SHANK2: variants seen among roughly 807,000 people sequenced by gnomAD.
SHANK2 encodes the protein SH3 and multiple ankyrin repeat domains 2.
SHANK2 carries 43 observed loss-of-function variants against 133.7 expected under a neutral mutation model. That is an observed-to-expected ratio of 0.32 (90% confidence interval 0.25 to 0.41). The LOEUF (loss-of-function observed/expected upper bound fraction) is 0.41. Ranked by LOEUF, SHANK2 falls within the 10% of genes least tolerant of loss-of-function variation. SHANK2 has a pLI of 1.00. For missense variants in SHANK2, 1,994 were observed against 2,235.8 expected (o/e 0.89, Z 2.18); for synonymous variants, 1,017 against 952.8 (o/e 1.07, Z -1.24).
At chr11:70,545,043 G>C (rs1306776668) in intron 17 of SHANK2, among the ~76,000 whole-genome samples, 1 of 152,206 alleles carries the variant, frequency 6.6e-6, no homozygotes, top group Non-Finnish European at 1.5e-5. Context: ...CCTCTTGGAA[G>C]AGGATGGGCC....
At chr11:70,755,778 C>G (rs1946856852) in intron 14 of SHANK2, among the ~76,000 whole-genome samples, 1 of 152,244 alleles carries the variant, frequency 6.6e-6, no homozygotes, top group African/African-American at 2.4e-5. Flanking sequence ...AGGGAAGACA[C>G]CGCGCCAGCA....
At chr11:70,783,602 T>C (rs1555045720) in intron 14 of SHANK2, among the ~76,000 whole-genome samples, 1 of 151,868 alleles carries the variant, frequency 6.6e-6, no homozygotes, top group East Asian at 1.9e-4. Context: ...AGCCTGGGAC[T>C]AGTAATAAAA....
chr11:70,540,402 T>C (rs998597718), intron 17 of SHANK2, among the ~76,000 whole-genome samples: 1 of 151,844 alleles, frequency 6.6e-6, no homozygotes, highest in Non-Finnish European at 1.5e-5. Flanking sequence ...GTCGAGGTGA[T>C]GAAGGCAGGC....
At chr11:70,816,022 A>G (rs1225848980) in intron 12 of SHANK2, among the ~76,000 whole-genome samples, 1 of 152,184 alleles carries the variant, frequency 6.6e-6, no homozygotes, top group African/African-American at 2.4e-5. Context: ...CACCGGGACA[A>G]TAACACCTGA....
chr11:71,241,474 G>A (rs934477301), intron 1 of SHANK2, among the ~76,000 whole-genome samples: 3 of 152,164 alleles, frequency 2.0e-5, no homozygotes, highest in Admixed American at 1.3e-4. Flanking sequence ...AACTGCATAT[G>A]AGATCAGCAA....
chr11:71,204,403 C>T (rs1954086164), intron 2 of SHANK2, among the ~76,000 whole-genome samples: 1 of 152,106 alleles, frequency 6.6e-6, no homozygotes, highest in Non-Finnish European at 1.5e-5. Context: ...GCGCACCTCC[C>T]ATCTGCGCTG....
At position 71,230,980 on chromosome 11, in the gene SHANK2, G is replaced by A. The variant is rs147258941; in HGVS notation, c.-112-6184C>T. ...AAACTACAACTCTTAGAAAAAATGGGAGAAAATCTTCAGGATCTAGAGACA... is the reference window on the plus strand; with the variant it reads ...AAACTACAACTCTTAGAAAAAATGGAAGAAAATCTTCAGGATCTAGAGACA... On this transcript the variant is annotated intron_variant, in intron 1 of 25. Transcript: ENST00000601538. Among the ~76,000 whole-genome samples the A allele has an allele frequency of 3.4e-4, 52 of 152,284 alleles. 1 individual carries two copies. In the East Asian group the frequency reaches 9.6e-3, roughly 28 times the overall value.
chr11:71,202,207 T>TG (rs782459816), intron 2 of SHANK2, among the ~76,000 whole-genome samples: 3 of 152,188 alleles, frequency 2.0e-5, no homozygotes, highest in Non-Finnish European at 4.4e-5. Flanking sequence ...TTCTGCCGGG[T>TG]GGCAGCCCAG....
chr11:70,923,654 T>G (rs964712178), intron 10 of SHANK2, among the ~76,000 whole-genome samples: 1 of 152,146 alleles, frequency 6.6e-6, no homozygotes, highest in Non-Finnish European at 1.5e-5. Flanking sequence ...GCTCAAGCAA[T>G]CCTCCCATCT....
At chr11:70,518,389 G>C (rs543329432) in intron 17 of SHANK2, among the ~76,000 whole-genome samples, 1 of 152,286 alleles carries the variant, frequency 6.6e-6, no homozygotes, top group African/African-American at 2.4e-5. Context: ...AAACCACAAT[G>C]CCATTCTCAT....
intron 8 of SHANK2, among the ~76,000 whole-genome samples, chr11:71,086,086 ATATATTAAAT>A (rs1168441827): frequency 1.5e-4 from 4 of 26,726 alleles, no homozygotes; most frequent in Non-Finnish European, 2.2e-4. Context: ...ATGTTATATA[ATATATTAAAT>A]TATATAATAT....
intron 10 of SHANK2, among the ~76,000 whole-genome samples, chr11:70,955,066 T>G (rs1555087488): frequency 6.6e-6 from 1 of 152,244 alleles, no homozygotes; most frequent in African/African-American, 2.4e-5. Flanking sequence ...CTTTGTCGTT[T>G]CCCTCCCATT....
intron 24 of SHANK2, chr11:70,489,071 T>C (rs1351190215): frequency 8.0e-6 from 4 of 496,956 alleles, no homozygotes; most frequent in East Asian, 3.5e-5. Flanking sequence ...TGAAAAAAAG[T>C]CCTAGGACAA....
chr11:70,685,671 G>A (rs1417699526), intron 15 of SHANK2, among the ~76,000 whole-genome samples: 1 of 152,144 alleles, frequency 6.6e-6, no homozygotes, highest in Non-Finnish European at 1.5e-5. Flanking sequence ...ATTCTGTCCT[G>A]GAGAGAACGG....
At chr11:70,946,535 C>G (rs1260574254) in intron 10 of SHANK2, among the ~76,000 whole-genome samples, 1 of 146,070 alleles carries the variant, frequency 6.8e-6, no homozygotes, top group Non-Finnish European at 1.5e-5. Context: ...TCCCTCTCCA[C>G]TAACCAACTC....
At chr11:71,124,165 C>CGATGATGGTGATGGT (rs1199044848) in intron 3 of SHANK2, among the ~76,000 whole-genome samples, 573 of 6,398 alleles carry the variant, frequency 0.09, 93 homozygotes, top group African/African-American at 0.26. Context: ...ATTATGATAG[C>CGATGATGGTGATGGT]GATGATGGTG....
chr11:70,739,835 C>T lies in SHANK2; in HGVS notation c.1778-41072G>A, dbSNP rs782568477. 3.9e-5 allele frequency among the ~76,000 whole-genome samples: 6 copies of T among 152,230 alleles called. No individual in the cohort carries two copies. The highest frequency in any genetic ancestry group is 2.1e-4 in the South Asian group (1 of 4,836). ...TGTAAGACAAGGAGAGCCAGACACA[C>T]GAGGCACCAGGGAGGCACCCACAGA... On this transcript the variant is annotated intron_variant, in intron 14 of 25. Transcript: ENST00000601538. The surrounding 1 kb of genome is among the most constrained non-coding windows in gnomAD (Gnocchi z 4.3).
In SHANK2 at chr11:70,775,733, AT is replaced by A. The variant is rs572778168; in HGVS notation, c.1777+22709del. 1.5e-4 allele frequency among the ~76,000 whole-genome samples: 23 copies of A among 152,284 alleles called. No individual in the cohort carries two copies. The South Asian group carries it at 2.7e-3, about 18-fold the overall frequency. ...CCAAGATGCTCTCCTTGGTTACATG[AT>A]TTGTTTGAGCAGGAGCCTGCCCTTT... On this transcript the variant is annotated intron_variant, in intron 14 of 25. Coordinates refer to ENST00000601538, the MANE Select transcript of SHANK2 (RefSeq NM_012309.5).
At position 70,798,358 on chromosome 11, in the gene SHANK2, C is replaced by A. The variant is rs551166638; in HGVS notation, c.1777+85G>T. The A allele has an allele frequency of 4.3e-6, 3 of 701,102 alleles. No homozygotes were observed. In the African/African-American group the frequency reaches 5.3e-5, roughly 12 times the overall value. 43.4% of individuals were successfully genotyped at this position (701,102 alleles called of 1,614,324 possible). Reference sequence around the variant, plus strand: ...CAGCCTCCCTCTACGACGCAACGGCCGAATCTTGCCACGGACAACACCGAC... The same window carrying A: ...CAGCCTCCCTCTACGACGCAACGGCAGAATCTTGCCACGGACAACACCGAC... On this transcript the variant is annotated intron_variant, in intron 14 of 25. Transcript: ENST00000601538.
Sources: gnomAD v4.1 joint callset for allele counts (sites outside exome capture counted in the v4.1 genomes callset) on GRCh38, gnomAD v4.1.1 for gene constraint, Gnocchi (gnomAD v3.1) non-coding constraint, MANE v1.5 for transcripts, NCBI Gene and HGNC (gene_info 2026-07-23, HGNC 2026-07-21) for gene names.